The following FANCA variants were observed in gnomAD, a reference collection of about 807,000 sequenced individuals.
FANCA encodes Fanconi anemia group A protein.
A neutral mutation model predicts 194.3 loss-of-function variants in FANCA; 236 were observed. That is an observed-to-expected ratio of 1.21 (90% CI 1.09 to 1.35). The LOEUF (loss-of-function observed/expected upper bound fraction) is 1.35, where lower values mean the gene tolerates loss of function less well. FANCA is among the 40% of genes most tolerant of loss of function. FANCA has a pLI of 0.00. For missense variants in FANCA, 2,628 were observed against 1,813.9 expected, an observed-to-expected ratio of 1.45 and a Z score of -8.15; for synonymous variants, 1,014 against 715.8, an observed-to-expected ratio of 1.42 and a Z score of -6.65.
chr16:89,814,714 G>A (rs1182968293), intron 2 of FANCA, 101 bp from the exon 3 acceptor site: 1 of 815,340 alleles, frequency 1.2e-6, no homozygotes, highest in Non-Finnish European at 2.1e-6. Context: ...AGGCCGAGAT[G>A]GGCAGATCAC....
intron 28 of FANCA, among the ~76,000 whole-genome samples, chr16:89,763,357 C>T (rs1158238447): frequency 1.3e-5 from 2 of 152,026 alleles, no homozygotes; most frequent in Admixed American, 6.6e-5. Flanking sequence ...AGAAGGATCA[C>T]TTTTTCCTAT....
At chr16:89,747,979 C>A (rs1466804979) in intron 33 of FANCA, among the ~76,000 whole-genome samples, 1 of 152,168 alleles carries the variant, frequency 6.6e-6, no homozygotes, top group Admixed American at 6.5e-5. Context: ...GTGGTGGGAT[C>A]TTGGCTCAGT....
Position 89,775,771 on chromosome 16 carries a change from G to C in FANCA, c.1871C>G (p.Ala624Gly), listed in dbSNP as rs146491000. The C allele has an allele frequency of 3.2e-5, 52 of 1,612,888 alleles. 1 individual carries two copies. The African/African-American group carries it at 6.8e-4, about 21-fold the overall frequency. ...TGGCTTCTCTTCAGCAGCAGAGCAG[G>C]CCTGGCAGTAGGTGGAGTACAGAGA... ...PPSLYSTYCQACSAAEEKPED... is the reference protein window; with the variant it reads ...PPSLYSTYCQGCSAAEEKPED... Residue 624 changes from alanine to glycine, a missense_variant, in exon 21 of 43, where the codon GCC (alanine) becomes GGC (glycine). Coordinates refer to ENST00000389301, the MANE Select transcript of FANCA (RefSeq NM_000135.4).
At chr16:89,804,169 G>A (rs1265028553) in intron 7 of FANCA, among the ~76,000 whole-genome samples, 1 of 152,148 alleles carries the variant, frequency 6.6e-6, no homozygotes, top group African/African-American at 2.4e-5. Flanking sequence ...GGAATGCTAA[G>A]TCGCTCATGC....
rs530495027 is a variant in FANCA, at chr16:89,771,904, C to T, written c.2015-90G>A. 63 of 1,457,254 alleles carry T rather than the reference C, an allele frequency of 4.3e-5. No individual in the cohort carries two copies. In the Admixed American group the frequency reaches 6.2e-4, roughly 14 times the overall value. The allele number at this position is 1,457,254 out of a possible 1,614,324, so 90.3% of individuals were successfully genotyped here. Reference sequence around the variant, plus strand: ...AGAGAGCTCCGCCTCCCGTCAAGTACGATTCCACGGATCCTGCTGACTGCA... The same window carrying T: ...AGAGAGCTCCGCCTCCCGTCAAGTATGATTCCACGGATCCTGCTGACTGCA... On this transcript the variant is annotated intron_variant, in intron 22 of 42. Transcript: ENST00000389301.
chr16:89,800,163 G>T (rs1002631589), intron 8 of FANCA, among the ~76,000 whole-genome samples: 1 of 152,210 alleles, frequency 6.6e-6, no homozygotes, highest in African/African-American at 2.4e-5. Context: ...GCCTAGGGCT[G>T]GGCAGGACAC....
intron 24 of FANCA, 89 bp from the exon 25 acceptor site, chr16:89,770,348 AAG>A: frequency 7.9e-7 from 1 of 1,263,490 alleles, no homozygotes; most frequent in South Asian, 1.3e-5. Flanking sequence ...CGGCCGAAGA[AAG>A]AGCCAAGCTG....
intron 20 of FANCA, among the ~76,000 whole-genome samples, chr16:89,778,024 T>C (rs1342178077): frequency 6.6e-6 from 1 of 151,640 alleles, no homozygotes; most frequent in Non-Finnish European, 1.5e-5. Flanking sequence ...TAGCCGGGCG[T>C]GGTGGTGCGC....
At chr16:89,759,449 C>T (rs3819567) in intron 29 of FANCA, among the ~76,000 whole-genome samples, 61,430 of 150,642 alleles carry the variant, frequency 0.41, 13,692 homozygotes, top group East Asian at 0.75. Context: ...TCTGTGGATA[C>T]GGATGGGAAG....
chr16:89,792,738 C>T lies in FANCA; in HGVS notation c.1007-191G>A, dbSNP rs991597862. On this transcript the variant is annotated intron_variant, in intron 11 of 42. Transcript: ENST00000389301. ...GCCCGGGGGACCACTACCATCAATG[C>T]GCGGAGACCGGTAGTGGCCCTGAAT... The T allele has an allele frequency of 4.7e-5, 26 of 549,058 alleles. 1 individual carries two copies. Among genetic ancestry groups the T allele is most frequent in the Admixed American group, 2.7e-4 (11 of 40,012 alleles). 34.0% of individuals were successfully genotyped at this position (549,058 alleles called of 1,614,324 possible).
chr16:89,799,163 T>C lies in FANCA; in HGVS notation c.893+3A>G. ...CTCAGGCAGGCCACCCTCAGGAACA[T>C]ACCAGCACCTCACGATCTTGTGAGT... On this transcript the variant is annotated splice_donor_region_variant and intron_variant, in intron 10 of 42. Transcript: ENST00000389301. The C allele has an allele frequency of 3.1e-6, 5 of 1,614,166 alleles. No individual in the cohort carries two copies. Among genetic ancestry groups the C allele is most frequent in the Non-Finnish European group, 4.2e-6 (5 of 1,180,034 alleles).
chr16:89,795,865 CA>C, intron 11 of FANCA, 40 bp downstream of exon 11: 1 of 1,487,286 alleles, frequency 6.7e-7, no homozygotes, highest in South Asian at 1.1e-5. Flanking sequence ...CAGCAATCCC[CA>C]AAATGGGTAG....
chr16:89,800,462 A>C (rs1212373189), intron 8 of FANCA, among the ~76,000 whole-genome samples: 1 of 152,230 alleles, frequency 6.6e-6, no homozygotes, highest in Non-Finnish European at 1.5e-5. Flanking sequence ...AAAGGGAATA[A>C]AAATTTGGGA....
At chr16:89,796,398 G>A (rs992398527) in intron 10 of FANCA, among the ~76,000 whole-genome samples, 5 of 152,134 alleles carry the variant, frequency 3.3e-5, no homozygotes, top group African/African-American at 4.8e-5. Context: ...CTGTGACACG[G>A]AACTCCCCCA....
chr16:89,769,777 G>T, intron 26 of FANCA, 60 bp downstream of exon 26: 2 of 1,574,836 alleles, frequency 1.3e-6, no homozygotes, highest in South Asian at 2.3e-5. Context: ...TTTATCAAAC[G>T]AGCATGTGTC....
At chr16:89,786,070 G>A (rs929360696) in intron 14 of FANCA, among the ~76,000 whole-genome samples, 2 of 148,266 alleles carry the variant, frequency 1.3e-5, no homozygotes, top group Non-Finnish European at 3.0e-5. Context: ...CCAGGCTGGA[G>A]TGCAACGGTG....
chr16:89,784,666 A>G (rs1463187479), intron 15 of FANCA, among the ~76,000 whole-genome samples, 188 bp downstream of exon 15: 1 of 151,520 alleles, frequency 6.6e-6, no homozygotes, highest in Non-Finnish European at 1.5e-5. Flanking sequence ...CCACGTGGAC[A>G]CCTCCAGTTG....
intron 3 of FANCA, among the ~76,000 whole-genome samples, chr16:89,812,646 C>CAAAAAAAAA (rs71137677): frequency 2.6e-4 from 11 of 42,344 alleles, no homozygotes; most frequent in Non-Finnish European, 5.1e-4. Flanking sequence ...TACTCCGTCT[C>CAAAAAAAAA]AAAAAAAAAA....
intron 8 of FANCA, among the ~76,000 whole-genome samples, chr16:89,800,487 T>C (rs1375094350): frequency 6.6e-6 from 1 of 152,178 alleles, no homozygotes; most frequent in African/African-American, 2.4e-5. Flanking sequence ...TCCAAAACTA[T>C]CTACAGATTC....
Sources: allele counts gnomAD v4.1 joint callset (sites outside exome capture counted in the v4.1 genomes callset), GRCh38; gene constraint gnomAD v4.1.1; transcripts MANE v1.5; gene names NCBI Gene and HGNC (gene_info 2026-07-23, HGNC 2026-07-21).